The following TIMP3 variants were observed in gnomAD, a reference collection of about 807,000 sequenced individuals.
TIMP3 encodes TIMP metallopeptidase inhibitor 3.
TIMP3 carries 11 observed loss-of-function variants against 30.0 expected under a neutral mutation model. The ratio of observed to expected loss-of-function variants is 0.37; its 90% CI spans 0.23 to 0.61. The LOEUF (loss-of-function observed/expected upper bound fraction) is 0.61, where lower values mean the gene tolerates loss of function less well. TIMP3 is among the 20% of genes least tolerant of loss of function. The probability of loss-of-function intolerance (pLI) is 0.70; values close to 1 mark genes in which losing one functional copy is unlikely to be tolerated. For synonymous variants in TIMP3, 112 were observed against 111.3 expected (o/e 1.01, Z -0.04); for missense variants, 181 against 276.8 (o/e 0.65, Z 2.45).
intron 1 of TIMP3, among the ~76,000 whole-genome samples, chr22:32,807,528 C>T (rs889171566): frequency 1.4e-5 from 2 of 147,210 alleles, no homozygotes; most frequent in Admixed American, 1.4e-4. Flanking sequence ...TATTCTAAGT[C>T]ATTAACTTAC....
chr22:32,840,647 G>GC (rs1369034743), intron 1 of TIMP3, among the ~76,000 whole-genome samples: 1 of 151,110 alleles, frequency 6.6e-6, no homozygotes, highest in African/African-American at 2.4e-5. Context: ...CGCCCCCTCC[G>GC]CCCCCCACCC....
chr22:32,816,773 G>A (rs2047096829), intron 1 of TIMP3, among the ~76,000 whole-genome samples: 1 of 152,166 alleles, frequency 6.6e-6, no homozygotes, highest in Non-Finnish European at 1.5e-5. Context: ...TTGCTGAGAA[G>A]AATTAAGGTC....
chr22:32,832,968 A>G (rs908854169), intron 1 of TIMP3, among the ~76,000 whole-genome samples: 4 of 152,162 alleles, frequency 2.6e-5, no homozygotes, highest in Non-Finnish European at 4.4e-5. Context: ...CCTGAGCTCA[A>G]GGAATTCACC....
intron 1 of TIMP3, among the ~76,000 whole-genome samples, chr22:32,840,176 A>G (rs151066026): frequency 6.6e-6 from 1 of 152,072 alleles, no homozygotes; most frequent in African/African-American, 2.4e-5. Context: ...AGCTTTCCAG[A>G]TTTTCTGAGT....
At chr22:32,816,211 G>A (rs959766854) in intron 1 of TIMP3, among the ~76,000 whole-genome samples, 2 of 152,134 alleles carry the variant, frequency 1.3e-5, no homozygotes, top group Admixed American at 6.5e-5. Context: ...TTGCAGGGGC[G>A]GGGGTAGGGG....
In TIMP3 at chr22:32,862,357, T is replaced by A. The variant is rs1191486768; in HGVS notation, c.*2980T>A. The A allele has an allele frequency of 6.6e-6, 1 of 152,242 alleles. No homozygotes were observed. Among genetic ancestry groups the A allele is most frequent in the South Asian group, 2.1e-4 (1 of 4,834 alleles). The allele number at this position is 152,242 out of a possible 1,614,324, so 9.4% of individuals were successfully genotyped here. A position where few individuals can be genotyped will look rare whatever the true frequency, so the allele number is the denominator to read the frequency against. On this transcript the variant is annotated 3_prime_UTR_variant, in exon 5 of 5. Transcript: ENST00000266085. ...CTGCTCTGTCCAGGGTAGGTAATAC[T>A]GGGAGACTCCTGTCTTTTACCCTCC...
chr22:32,802,246 C>T lies in TIMP3; in HGVS notation c.121+124C>T, dbSNP rs1020191402. ...AGGAGAGGGGCAGACGGGGTTGGGG[C>T]GGAGTGGAGAAACTCGATGTCCTTG... On this transcript the variant is annotated intron_variant, in intron 1 of 4. Transcript: ENST00000266085. 1.0e-5 allele frequency: 14 copies of T among 1,387,354 alleles called. No individual in the cohort carries two copies. In the Admixed American group the frequency reaches 3.5e-4, roughly 35 times the overall value. 85.9% of individuals were successfully genotyped at this position (1,387,354 alleles called of 1,614,324 possible).
rs368393503 is a variant in TIMP3 at position 32,832,758 on chromosome 22, T to G, written c.122-16694T>G. 3.5e-4 allele frequency among the ~76,000 whole-genome samples: 53 copies of G among 152,194 alleles called. No homozygotes were observed. In the South Asian group the frequency reaches 0.01, roughly 29 times the overall value. On this transcript the variant is annotated intron_variant, in intron 1 of 4. Coordinates refer to ENST00000266085, the MANE Select transcript of TIMP3 (RefSeq NM_000362.5). ...CCCTCTCTTTTTCTGAGACAGAGTCTCACTCTGTCGTTCAGCTGGAGTGCA... is the reference window on the plus strand; with the variant it reads ...CCCTCTCTTTTTCTGAGACAGAGTCGCACTCTGTCGTTCAGCTGGAGTGCA...
chr22:32,839,909 G>C (rs186077478), intron 1 of TIMP3, among the ~76,000 whole-genome samples: 7 of 151,856 alleles, frequency 4.6e-5, no homozygotes, highest in Non-Finnish European at 1.0e-4. Flanking sequence ...CGTCAGCAGG[G>C]GCCCTGAGTT....
chr22:32,842,957 A>T (rs750422650), intron 1 of TIMP3, among the ~76,000 whole-genome samples: 2 of 152,208 alleles, frequency 1.3e-5, no homozygotes, highest in Non-Finnish European at 2.9e-5. Flanking sequence ...TTTAGGTATC[A>T]ATCTTCTTCT....
At chr22:32,850,115 A>T (rs1318487212) in intron 2 of TIMP3, among the ~76,000 whole-genome samples, 1 of 150,270 alleles carries the variant, frequency 6.7e-6, no homozygotes, top group African/African-American at 2.5e-5. Context: ...GATAGTTAGC[A>T]ATGTTTGCTA....
chr22:32,852,376 G>A (rs2048244413), intron 2 of TIMP3, among the ~76,000 whole-genome samples: 1 of 152,158 alleles, frequency 6.6e-6, no homozygotes, highest in Non-Finnish European at 1.5e-5. Flanking sequence ...GGGTTTGTTG[G>A]TTTATCATCC....
intron 1 of TIMP3, among the ~76,000 whole-genome samples, chr22:32,847,299 A>G (rs2146230963): frequency 6.6e-6 from 1 of 152,322 alleles, no homozygotes; most frequent in Non-Finnish European, 1.5e-5. Flanking sequence ...TACTACCGCA[A>G]TGTTAGAAAC....
intron 1 of TIMP3, among the ~76,000 whole-genome samples, chr22:32,827,142 C>T (rs1159889382): frequency 6.6e-6 from 1 of 152,218 alleles, no homozygotes; most frequent in East Asian, 1.9e-4. Context: ...GTTTCCTTCC[C>T]AGTTCTGAAA....
intron 1 of TIMP3, among the ~76,000 whole-genome samples, chr22:32,840,208 T>C (rs761148173): frequency 1.1e-4 from 17 of 152,202 alleles, no homozygotes; most frequent in Non-Finnish European, 2.2e-4. Context: ...GGTTTATTTT[T>C]AGCCACAGGC....
intron 1 of TIMP3, among the ~76,000 whole-genome samples, chr22:32,813,372 G>C (rs535611574): frequency 6.6e-6 from 1 of 152,200 alleles, no homozygotes; most frequent in South Asian, 2.1e-4. Context: ...TTCTGGAGGG[G>C]ACAGCTGCTG....
At chr22:32,833,825 T>C in intron 1 of TIMP3, 1 of 501,642 alleles carries the variant, frequency 2.0e-6, no homozygotes, top group Non-Finnish European at 4.0e-6. Context: ...AATGGGAAAA[T>C]CCACGGAAAG....
At chr22:32,830,225 G>A (rs1292913237) in intron 1 of TIMP3, among the ~76,000 whole-genome samples, 1 of 152,120 alleles carries the variant, frequency 6.6e-6, no homozygotes, top group African/African-American at 2.4e-5. Flanking sequence ...TCTTGGGAAA[G>A]GGGGCCTCTC....
At chr22:32,824,361 T>A (rs1317025647) in intron 1 of TIMP3, among the ~76,000 whole-genome samples, 1 of 151,558 alleles carries the variant, frequency 6.6e-6, no homozygotes, top group African/African-American at 2.4e-5. Flanking sequence ...GATTACTATT[T>A]TTTTTTTGTT....
Sources: allele counts gnomAD v4.1 joint callset (sites outside exome capture counted in the v4.1 genomes callset), GRCh38; gene constraint gnomAD v4.1.1; transcripts MANE v1.5; gene names NCBI Gene and HGNC (gene_info 2026-07-23, HGNC 2026-07-21).